Variants in SFXN2 observed in about 807,000 individuals in gnomAD.
SFXN2 encodes the protein sideroflexin-2.
Under a neutral mutation model 41.9 loss-of-function variants are expected in SFXN2, and 37 were observed. That is an observed-to-expected ratio of 0.88 (90% CI 0.68 to 1.16). The LOEUF is 1.16. SFXN2 is among the 50% of genes most tolerant of loss of function. The pLI is 0.00. For synonymous variants in SFXN2, 150 were observed against 156.7 expected (o/e 0.96, Z 0.32); for missense variants, 386 against 425.2 (o/e 0.91, Z 0.81).
rs141484184 is a variant in SFXN2 at position 102,734,317 on chromosome 10, G to A, written c.821+714G>A. Among the ~76,000 whole-genome samples, 555 of 152,218 alleles carry A rather than the reference G, an allele frequency of 3.6e-3. 1 individual carries two copies. The highest frequency in any genetic ancestry group is 6.7e-3 in the Non-Finnish European group (457 of 68,020). On this transcript the variant is annotated intron_variant, in intron 10 of 11. Transcript: ENST00000369893. The surrounding 1 kb of genome is among the most constrained non-coding windows in gnomAD (Gnocchi z 4.1). ...TGCCATTAACTGGAGATGTCCTAGC[G>A]TTCACCATGCATTTCAGGGCCACGA...
intron 10 of SFXN2, 48 bp from the exon 11 acceptor site, chr10:102,735,814 G>T (rs751672259): frequency 1.9e-6 from 3 of 1,600,706 alleles, no homozygotes; most frequent in South Asian, 1.1e-5. Flanking sequence ...GGATGGACGG[G>T]CCTGTGGGGA....
intron 9 of SFXN2, among the ~76,000 whole-genome samples, chr10:102,733,162 T>A (rs2064727695): frequency 6.6e-6 from 1 of 152,202 alleles, no homozygotes; most frequent in Non-Finnish European, 1.5e-5. Flanking sequence ...TTCTTTTTTC[T>A]TTTGAGATGG....
intron 6 of SFXN2, among the ~76,000 whole-genome samples, chr10:102,730,957 G>A (rs1178775414): frequency 2.6e-5 from 4 of 151,996 alleles, no homozygotes; most frequent in Non-Finnish European, 5.9e-5. Context: ...GTATGGTGGC[G>A]GGTGCCTGTA....
At chr10:102,731,395 A>G (rs2064702083) in intron 6 of SFXN2, among the ~76,000 whole-genome samples, 1 of 152,074 alleles carries the variant, frequency 6.6e-6, no homozygotes, top group Non-Finnish European at 1.5e-5. Context: ...GGTCCTGTAA[A>G]GTGGGTGCCA....
At position 102,726,763 on chromosome 10, in the gene SFXN2, C is replaced by G; in HGVS notation, c.127C>G (p.Leu43Val). Residue 43 changes from leucine (L) to valine (V), a missense_variant, in exon 2 of 12, where the codon CTG (leucine) becomes GTG (valine). By Grantham distance (32) the Leu-to-Val change is conservative. Transcript: ENST00000369893. ...CACTGTCTTTGTATCTGAGCGGGAG[C>G]TGGACTGGGCCAAGGTGATGGTGGA... ...PRTVFVSERE[L>V]DWAKVMVEKS... The G allele has an allele frequency of 1.2e-6, 2 of 1,614,132 alleles. No homozygotes were observed. The highest frequency in any genetic ancestry group is 1.7e-6 in the Non-Finnish European group (2 of 1,180,034).
chr10:102,719,512 A>G (rs2064475622), intron 1 of SFXN2, among the ~76,000 whole-genome samples: 1 of 152,046 alleles, frequency 6.6e-6, no homozygotes, highest in South Asian at 2.1e-4. Context: ...TACAGGTGTG[A>G]GCCACTGTGC....
chr10:102,723,934 A>C (rs1464741446), intron 1 of SFXN2, among the ~76,000 whole-genome samples: 1 of 152,106 alleles, frequency 6.6e-6, no homozygotes, highest in African/African-American at 2.4e-5. Context: ...CCAGCTACTA[A>C]GTTTAGTACC....
Position 102,737,878 on chromosome 10 carries a change from T to C in SFXN2, c.*116T>C, listed in dbSNP as rs1276095142. On this transcript the variant is annotated 3_prime_UTR_variant, in exon 12 of 12. Transcript: ENST00000369893. ...AACAAGGCCTGAAGGCCAGGGTAGA[T>C]TGGGGGGTGGGACAATGAATGCCTC... 1.2e-5 allele frequency: 8 copies of C among 671,920 alleles called. No homozygotes were observed. Among genetic ancestry groups the C allele is most frequent in the African/African-American group, 1.8e-5 (1 of 55,468 alleles). The allele number at this position is 671,920 out of a possible 1,614,324, so 41.6% of individuals were successfully genotyped here.
rs781498188 is a variant in SFXN2 at position 102,728,409 on chromosome 10, T to C, written c.333-22T>C. ...CTGCCATCTGACTTCTCTCTGCCTC[T>C]CCTGGCCTTCCTCACTGGTAGGACG... On this transcript the variant is annotated intron_variant, in intron 3 of 11. Coordinates refer to ENST00000369893, the MANE Select transcript of SFXN2 (RefSeq NM_178858.6). 10 of 1,611,642 alleles carry C rather than the reference T, an allele frequency of 6.2e-6. No individual in the cohort carries two copies. The South Asian group carries it at 1.1e-4, about 18-fold the overall frequency.
At chr10:102,719,953 T>G (rs1257481009) in intron 1 of SFXN2, among the ~76,000 whole-genome samples, 4 of 152,168 alleles carry the variant, frequency 2.6e-5, no homozygotes, top group Non-Finnish European at 1.5e-5. Flanking sequence ...TTTTGAGTAT[T>G]GTGTTTGGAA....
At chr10:102,731,814 G>A in intron 7 of SFXN2, 31 bp downstream of exon 7, 1 of 1,601,340 alleles carries the variant, frequency 6.2e-7, no homozygotes, top group African/African-American at 1.3e-5. Flanking sequence ...GGGGTGGGAG[G>A]AGGGAATTCC....
At chr10:102,732,285 C>T (rs2064716269) in intron 8 of SFXN2, 67 bp downstream of exon 8, 1 of 1,465,214 alleles carries the variant, frequency 6.8e-7, no homozygotes, top group Non-Finnish European at 9.4e-7. Context: ...CAGCCACACT[C>T]AGCTTTTGGG....
At chr10:102,717,046 C>T (rs902723778) in intron 1 of SFXN2, among the ~76,000 whole-genome samples, 3 of 151,940 alleles carry the variant, frequency 2.0e-5, no homozygotes, top group African/African-American at 7.3e-5. Flanking sequence ...TCCATGTGCA[C>T]CTTTCTAGGC....
Position 102,728,472 on chromosome 10 carries a change from C to T in SFXN2, c.374C>T (p.Ser125Phe). Residue 125 changes from serine to phenylalanine, a missense_variant, in exon 4 of 12, where the codon TCC becomes TTC. Physicochemically the swap from Ser to Phe is radical, Grantham distance 155 (BLOSUM62 -2). Transcript: ENST00000369893. ...AVIFWQWVNQ[S>F]FNALVNYTNR... is the part of the protein sequence containing the mutation. ...ATCTTCTGGCAGTGGGTGAACCAGTCCTTCAATGCCTTAGTCAACTACACC... is the reference window on the plus strand; with the variant it reads ...ATCTTCTGGCAGTGGGTGAACCAGTTCTTCAATGCCTTAGTCAACTACACC... The T allele has an allele frequency of 6.2e-7, 1 of 1,613,994 alleles. No individual in the cohort carries two copies.
In SFXN2 at chr10:102,737,673, G is replaced by A. The variant is rs768795693; in HGVS notation, c.880G>A (p.Val294Ile). The A allele has an allele frequency of 1.2e-6, 2 of 1,611,958 alleles. No individual in the cohort carries two copies. Among genetic ancestry groups the A allele is most frequent in the Non-Finnish European group, 1.7e-6 (2 of 1,178,274 alleles). The change falls in exon 12 of 12, where the codon GTT becomes ATT. Residue 294 changes from valine to isoleucine, a missense_variant. Transcript: ENST00000369893. ...CTTCTCTCTTTTCAGTGAATTGCCA[G>A]TTTCCTATCTGGAACCGAAGCTCCA... is the stretch of plus-strand genomic sequence containing the variant. The part of the protein sequence containing the change: ...GLFPQKCELP[V>I]SYLEPKLQDT...
intron 4 of SFXN2, 30 bp downstream of exon 4, chr10:102,728,559 G>A (rs775754257): frequency 2.8e-5 from 44 of 1,593,752 alleles, no homozygotes; most frequent in African/African-American, 1.3e-4. Context: ...GGCTGTCCTC[G>A]TGTCTCCCCA....
At chr10:102,729,428 C>A (rs756800217) in intron 5 of SFXN2, 34 bp downstream of exon 5, 1 of 1,610,546 alleles carries the variant, frequency 6.2e-7, no homozygotes, top group East Asian at 2.2e-5. Context: ...ATGGTGGCCA[C>A]GCGGGGGCAG....
In SFXN2 at chr10:102,732,884, G is replaced by T; in HGVS notation, c.747G>T (p.Arg249Ser). 1 of 1,614,104 alleles carries T rather than the reference G, an allele frequency of 6.2e-7. No individual in the cohort carries two copies. Among genetic ancestry groups the T allele is most frequent in the South Asian group, 1.1e-5 (1 of 91,082 alleles). ...TCTTGCTGCCAGTCATCATGGAAAG[G>T]CTTGAGAAATTGCACTTCATGCAGG... is the stretch of plus-strand genomic sequence containing the variant. ...GMILLPVIME[R>S]LEKLHFMQKV... The change falls in exon 9 of 12, where the codon AGG becomes AGT. Residue 249 changes from arginine to serine, a missense_variant. By Grantham distance (110) the Arg-to-Ser change is moderately radical. Transcript: ENST00000369893.
Position 102,733,006 on chromosome 10 carries a change from C to T in SFXN2, c.771+98C>T, listed in dbSNP as rs2064726055. Reference sequence around the variant, plus strand: ...ACCTGCCCTCCCCCACCCATCCTTCCCTTTAGCTACCATGCTGTCATCTCA... The same window carrying T: ...ACCTGCCCTCCCCCACCCATCCTTCTCTTTAGCTACCATGCTGTCATCTCA... On this transcript the variant is annotated intron_variant, in intron 9 of 11. Coordinates refer to ENST00000369893, the MANE Select transcript of SFXN2 (RefSeq NM_178858.6). The T allele has an allele frequency of 7.4e-5, 88 of 1,196,996 alleles. 2 individuals carry two copies. The South Asian group carries it at 1.0e-3, about 14-fold the overall frequency. 74.1% of individuals were successfully genotyped at this position (1,196,996 alleles called of 1,614,324 possible).
Sources: gnomAD v4.1 joint callset for allele counts (sites outside exome capture counted in the v4.1 genomes callset) on GRCh38, gnomAD v4.1.1 for gene constraint, Gnocchi (gnomAD v3.1) non-coding constraint, MANE v1.5 for transcripts, NCBI Gene and HGNC (gene_info 2026-07-23, HGNC 2026-07-21) for gene names.